CUX2: variants seen among roughly 807,000 people sequenced by gnomAD.
CUX2 encodes the protein cut like homeobox 2.
Under a neutral mutation model 144.8 loss-of-function variants are expected in CUX2, and 40 were observed. The ratio of observed to expected loss-of-function variants is 0.28; its 90% CI spans 0.21 to 0.36. The LOEUF (loss-of-function observed/expected upper bound fraction) is 0.36. CUX2 is among the 10% of genes least tolerant of loss of function. The pLI, the probability that CUX2 is intolerant of heterozygous loss-of-function variation, is 1.00. For synonymous variants in CUX2, 827 were observed against 875.6 expected (o/e 0.94, Z 0.98); for missense variants, 1,615 against 1,994.0 (o/e 0.81, Z 3.62).
At position 111,082,472 on chromosome 12, in the gene CUX2, C is replaced by T. The variant is rs114728356; in HGVS notation, c.63+48232C>T. On this transcript the variant is annotated intron_variant, in intron 1 of 21. Transcript: ENST00000261726. ...TGAATGCCTACGGTGTGCCAAGGAC[C>T]GTGCTGGGCAAGTGTCCGAAAATGT... 4.7e-3 allele frequency among the ~76,000 whole-genome samples: 721 copies of T among 152,202 alleles called. 3 individuals are homozygous for T. Among genetic ancestry groups the T allele is most frequent in the African/African-American group, 0.016 (677 of 41,512 alleles).
chr12:111,338,687 A>C (rs561924531), intron 20 of CUX2, among the ~76,000 whole-genome samples: 1 of 152,282 alleles, frequency 6.6e-6, no homozygotes, highest in African/African-American at 2.4e-5. Flanking sequence ...GGGCATGGGT[A>C]GTCCTGGCTG....
chr12:111,259,366 A>T (rs551912900), intron 3 of CUX2, among the ~76,000 whole-genome samples: 3 of 152,130 alleles, frequency 2.0e-5, no homozygotes, highest in African/African-American at 7.2e-5. Flanking sequence ...CTGTCCTTGT[A>T]ACATAAAAGC....
chr12:111,318,547 C>G (rs978359131), intron 16 of CUX2, among the ~76,000 whole-genome samples: 1 of 150,358 alleles, frequency 6.7e-6, no homozygotes, highest in Non-Finnish European at 1.5e-5. Context: ...CACCTGAGAT[C>G]GAGCCACTGC....
Position 111,347,565 on chromosome 12 carries a change from A to G in CUX2, c.3701A>G (p.Asp1234Gly). The stretch of plus-strand genomic sequence containing the variant: ...GAGATGTTGGTGGAGGGGACCCAGG[A>G]TGAGCCAGACCTTGATCCAAGCGGG... ...RREMLVEGTQ[D>G]EPDLDPSGGP... Residue 1234 changes from aspartate to glycine, a missense_variant, in exon 22 of 22, where the codon GAT becomes GGT. Asp to Gly is a moderately conservative substitution (Grantham distance 94). Transcript: ENST00000261726. 1 of 1,611,064 alleles carries G rather than the reference A, an allele frequency of 6.2e-7. No individual in the cohort carries two copies. Among genetic ancestry groups the G allele is most frequent in the Non-Finnish European group, 8.5e-7 (1 of 1,178,948 alleles).
chr12:111,229,340 G>C (rs369203174), intron 3 of CUX2, among the ~76,000 whole-genome samples: 1 of 152,172 alleles, frequency 6.6e-6, no homozygotes, highest in Non-Finnish European at 1.5e-5. Context: ...AATCTTTCTA[G>C]ATGTGGGTGT....
chr12:111,157,002 A>AAAAAAAAAAAAAAAG, intron 1 of CUX2, among the ~76,000 whole-genome samples: 1 of 150,944 alleles, frequency 6.6e-6, no homozygotes, highest in African/African-American at 2.4e-5. Context: ...AAAAAAAAAA[A>AAAAAAAAAAAAAAAG]AAAAAAACAG....
At chr12:111,106,949 T>C (rs1250505872) in intron 1 of CUX2, among the ~76,000 whole-genome samples, 1 of 152,152 alleles carries the variant, frequency 6.6e-6, no homozygotes, top group Non-Finnish European at 1.5e-5. Flanking sequence ...GCTCAGTTGA[T>C]AGGGTTGCTG....
intron 1 of CUX2, among the ~76,000 whole-genome samples, chr12:111,084,190 G>C (rs986424798): frequency 1.3e-5 from 2 of 152,196 alleles, no homozygotes; most frequent in Non-Finnish European, 2.9e-5. Flanking sequence ...CAGCGGTGAA[G>C]ACTGAATCAG....
At position 111,134,943 on chromosome 12, in the gene CUX2, G is replaced by A. The variant is rs530473229; in HGVS notation, c.64-79257G>A. On this transcript the variant is annotated intron_variant, in intron 1 of 21. Transcript: ENST00000261726. ...TGGGGACATGACAGGGACATGTCTG[G>A]AGAGTAGGGCAAGGTATTTTCCCTT... 4.6e-5 allele frequency among the ~76,000 whole-genome samples: 7 copies of A among 152,286 alleles called. No individual in the cohort carries two copies. In the South Asian group the frequency reaches 1.5e-3, roughly 32 times the overall value.
rs568071654 is a variant in CUX2, at chr12:111,223,727, T to A, written c.222+5790T>A. 8.9e-4 allele frequency among the ~76,000 whole-genome samples: 135 copies of A among 152,244 alleles called. 1 individual carries two copies. Among genetic ancestry groups the A allele is most frequent in the Middle Eastern group, 3.4e-3 (1 of 294 alleles). ...GGGCCATGGTGGACATCCAACCCAG[T>A]CAAGCCGTCAGATGACTGCAGCCCC... On this transcript the variant is annotated intron_variant, in intron 3 of 21. Coordinates refer to ENST00000261726, the MANE Select transcript of CUX2 (RefSeq NM_015267.4).
chr12:111,079,123 A>G (rs963314217), intron 1 of CUX2, among the ~76,000 whole-genome samples: 1 of 152,196 alleles, frequency 6.6e-6, no homozygotes, highest in Non-Finnish European at 1.5e-5. Context: ...TTCCCATCTC[A>G]CTGCCTTTTA....
At chr12:111,096,568 T>C (rs1872829095) in intron 1 of CUX2, among the ~76,000 whole-genome samples, 1 of 152,192 alleles carries the variant, frequency 6.6e-6, no homozygotes, top group Non-Finnish European at 1.5e-5. Context: ...CCTGTCCCTC[T>C]TCTCTGATGC....
chr12:111,143,968 G>A (rs1190891835), intron 1 of CUX2, among the ~76,000 whole-genome samples: 1 of 152,198 alleles, frequency 6.6e-6, no homozygotes, highest in Admixed American at 6.5e-5. Context: ...CGGCATTCAA[G>A]CCTCTCCTCT....
At chr12:111,259,492 T>G (rs1457012498) in intron 3 of CUX2, among the ~76,000 whole-genome samples, 3 of 152,166 alleles carry the variant, frequency 2.0e-5, no homozygotes, top group African/African-American at 7.2e-5. Context: ...CATTGATCCA[T>G]GAGATCAACA....
intron 3 of CUX2, among the ~76,000 whole-genome samples, chr12:111,223,328 C>G (rs1409797045): frequency 6.6e-6 from 1 of 152,128 alleles, no homozygotes; most frequent in Admixed American, 6.5e-5. Flanking sequence ...CGGTTCCATC[C>G]CAGAGGTTCT....
At chr12:111,176,992 T>C (rs1290546540) in intron 1 of CUX2, among the ~76,000 whole-genome samples, 1 of 152,306 alleles carries the variant, frequency 6.6e-6, no homozygotes, top group Admixed American at 6.5e-5. Flanking sequence ...TAGACGCCAG[T>C]AGTACACCCC....
intron 1 of CUX2, among the ~76,000 whole-genome samples, chr12:111,164,102 T>C (rs1432296653): frequency 6.6e-6 from 1 of 152,174 alleles, no homozygotes; most frequent in Non-Finnish European, 1.5e-5. Context: ...TAGTAAGTAC[T>C]GTCTAAGCAT....
In CUX2 at chr12:111,310,447, G is replaced by A. The variant is rs376365293; in HGVS notation, c.1665G>A (p.Thr555=). The A allele has an allele frequency of 2.0e-5, 32 of 1,613,166 alleles. No homozygotes were observed. The highest frequency in any genetic ancestry group is 4.5e-5 in the East Asian group (2 of 44,888). ...GPGAEEEQLD[T]AEIAFQVKEQ... ...GGGCAGAGGAGGAGCAGCTGGACACGGCAGAGATCGCCTTCCAGGTGAAGG... is the reference window on the plus strand; with the variant it reads ...GGGCAGAGGAGGAGCAGCTGGACACAGCAGAGATCGCCTTCCAGGTGAAGG... The change falls in exon 15 of 22, where the codon ACG becomes ACA. Residue 555 remains threonine (T), a synonymous_variant. Transcript: ENST00000261726. This position sits in a 1 kb window ranked among gnomAD's most constrained non-coding sequence, Gnocchi z 7.9.
Position 111,317,799 on chromosome 12 carries a change from C to T in CUX2, c.2003-2213C>T, listed in dbSNP as rs528114198. On this transcript the variant is annotated intron_variant, in intron 16 of 21. Transcript: ENST00000261726. ...TCATTTGAGCTCAGGAGTTTGAGAC[C>T]AGCCTGGCTAACATGGTGAAACCCG... Among the ~76,000 whole-genome samples, 10 of 152,146 alleles carry T rather than the reference C, an allele frequency of 6.6e-5. No individual in the cohort carries two copies. The South Asian group carries it at 1.9e-3, about 28-fold the overall frequency.
Sources: gnomAD v4.1 joint callset for allele counts (sites outside exome capture counted in the v4.1 genomes callset) on GRCh38, gnomAD v4.1.1 for gene constraint, Gnocchi (gnomAD v3.1) non-coding constraint, MANE v1.5 for transcripts, NCBI Gene and HGNC (gene_info 2026-07-23, HGNC 2026-07-21) for gene names.